The following ZNF354A variants were observed in gnomAD, a reference collection of about 807,000 sequenced individuals.
ZNF354A encodes epididymis luminal protein 104.
In ZNF354A, 25 loss-of-function variants were observed where a neutral mutation model predicts 53.3. The ratio of observed to expected loss-of-function variants is 0.47; its 90% CI spans 0.34 to 0.66. The LOEUF is 0.66. ZNF354A is among the 30% of genes least tolerant of loss of function. The pLI is 0.01. For missense variants in ZNF354A, 586 were observed against 716.8 expected (o/e 0.82, Z 2.08); for synonymous variants, 228 against 249.0 (o/e 0.92, Z 0.79).
chr5:178,729,933 G>C lies in ZNF354A; in HGVS notation c.-52+623C>G, dbSNP rs146248431. On this transcript the variant is annotated intron_variant, in intron 1 of 4. Coordinates refer to ENST00000335815, the MANE Select transcript of ZNF354A (RefSeq NM_005649.3). ...AGGCTGGAGTGCAGGGCTTGATCTC[G>C]GCTCACTGCAAGCTCCGCCTCCTGG... Among the ~76,000 whole-genome samples, 1,458 of 149,722 alleles carry C rather than the reference G, an allele frequency of 9.7e-3. 19 individuals carry two copies. The highest frequency in any genetic ancestry group is 0.052 in the East Asian group (262 of 5,076).
In ZNF354A at chr5:178,712,240, T is replaced by C. The variant is rs1488265128; in HGVS notation, c.1638A>G (p.Gly546=). The part of the protein sequence containing the change: ...ALIQHRRIHT[G]EKPFKCNTCG... ...ATGTATTACATTTAAAGGGTTTTTCTCCTGTATGAATCCTTCGATGCTGAA... is the reference window on the plus strand; with the variant it reads ...ATGTATTACATTTAAAGGGTTTTTCCCCTGTATGAATCCTTCGATGCTGAA... Residue 546 remains glycine (G), a synonymous_variant, in exon 5 of 5, where the codon GGA becomes GGG. Transcript: ENST00000335815. The C allele has an allele frequency of 6.2e-7, 1 of 1,614,136 alleles. No homozygotes were observed. Among genetic ancestry groups the C allele is most frequent in the South Asian group, 1.1e-5 (1 of 91,076 alleles).
In ZNF354A at chr5:178,712,429, T is replaced by C. The variant is rs750938206; in HGVS notation, c.1449A>G (p.Gln483=). ...KAFRQSSALI[Q]HQRMHTGERP... The stretch of plus-strand genomic sequence containing the variant: ...TTTCTCCAGTATGCATTCTCTGATG[T>C]TGAATGAGAGCTGAACTCTGTCTGA... The change falls in exon 5 of 5, where the codon CAA becomes CAG. Residue 483 remains glutamine, a synonymous_variant. Transcript: ENST00000335815. 2.5e-6 allele frequency: 4 copies of C among 1,613,968 alleles called. No homozygotes were observed. The highest frequency in any genetic ancestry group is 2.2e-5 in the South Asian group (2 of 91,078).
At chr5:178,723,357 G>A (rs1279293067) in intron 4 of ZNF354A, among the ~76,000 whole-genome samples, 2 of 152,194 alleles carry the variant, frequency 1.3e-5, no homozygotes, top group Non-Finnish European at 1.5e-5. Flanking sequence ...GCTGCAGAAA[G>A]CAGCCTAGGC....
At chr5:178,713,759 G>T in intron 4 of ZNF354A, 138 bp from the exon 5 acceptor site, 1 of 915,092 alleles carries the variant, frequency 1.1e-6, no homozygotes, top group East Asian at 2.6e-5. Flanking sequence ...ATTGCAAAAA[G>T]AAAAAATAGG....
At chr5:178,728,834 G>A (rs569184226) in intron 2 of ZNF354A, among the ~76,000 whole-genome samples, 156 bp downstream of exon 2, 13 of 148,430 alleles carry the variant, frequency 8.8e-5, no homozygotes, top group African/African-American at 3.0e-4. Context: ...GAGGGTGGGT[G>A]GTCCTCCCTA....
intron 4 of ZNF354A, among the ~76,000 whole-genome samples, chr5:178,725,008 C>T (rs114445395): frequency 0.012 from 1,789 of 152,328 alleles, 33 homozygotes; most frequent in African/African-American, 0.041. Context: ...CTCTTAGAAC[C>T]GTGCCCAAGC....
rs113512483 is a variant in ZNF354A, at chr5:178,725,389, G to A, written c.243C>T (p.Gly81=). 798 of 1,613,774 alleles carry A rather than the reference G, an allele frequency of 4.9e-4. 4 individuals carry two copies. The African/African-American group carries it at 7.3e-3, about 15-fold the overall frequency. Residue 81 remains glycine (G), a synonymous_variant, in exon 4 of 5, where the codon GGC becomes GGT. Transcript: ENST00000335815. ...DPWEVEKDGS[G]VSSLGSKSSH... ...CCACCCACTTACCTAGAGAGGAGAC[G>A]CCAGAACCGTCTTTCTCCACCTCCC...
At position 178,724,814 on chromosome 5, in the gene ZNF354A, C is replaced by T. The variant is rs111791152; in HGVS notation, c.256+562G>A. ...ACAATGCTCTGTAACTTTTTGGGAGCTCTGTCCACGTCCCTGGACTCTTGT... is the reference window on the plus strand; with the variant it reads ...ACAATGCTCTGTAACTTTTTGGGAGTTCTGTCCACGTCCCTGGACTCTTGT... On this transcript the variant is annotated intron_variant, in intron 4 of 4. Transcript: ENST00000335815. Among the ~76,000 whole-genome samples, 857 of 152,300 alleles carry T rather than the reference C, an allele frequency of 5.6e-3. 3 individuals carry two copies. Among genetic ancestry groups the T allele is most frequent in the African/African-American group, 0.019 (773 of 41,556 alleles).
chr5:178,730,621 G>A lies in ZNF354A; in HGVS notation c.-117C>T, dbSNP rs946723118. 2.6e-5 allele frequency: 4 copies of A among 151,940 alleles called. No individual in the cohort carries two copies. The highest frequency in any genetic ancestry group is 5.9e-5 in the Non-Finnish European group (4 of 67,964). The allele number at this position is 151,940 out of a possible 1,614,324, so 9.4% of individuals were successfully genotyped here. A position where few individuals can be genotyped will look rare whatever the true frequency, so the allele number is the denominator to read the frequency against. On this transcript the variant is annotated 5_prime_UTR_variant, in exon 1 of 5. Transcript: ENST00000335815. ...GCGAGGCTCCGGAACCGCCGGCCGG[G>A]ATGCAGCCTCGCGACCCGGCTCCGC...
rs552000943 is a variant in ZNF354A at position 178,721,478 on chromosome 5, C to G, written c.256+3898G>C. On this transcript the variant is annotated intron_variant, in intron 4 of 4. Transcript: ENST00000335815. The stretch of plus-strand genomic sequence containing the variant: ...GACTGAAACATTATGTGCTCCATGA[C>G]AGTGTAAGTAAATACACACACACTT... Among the ~76,000 whole-genome samples the G allele has an allele frequency of 3.3e-5, 5 of 152,264 alleles. No individual in the cohort carries two copies. The South Asian group carries it at 1.0e-3, about 32-fold the overall frequency.
chr5:178,729,948 C>T (rs1765998795), intron 1 of ZNF354A, among the ~76,000 whole-genome samples: 1 of 150,718 alleles, frequency 6.6e-6, no homozygotes, highest in Non-Finnish European at 1.5e-5. Flanking sequence ...ACTGCAAGCT[C>T]CGCCTCCTGG....
chr5:178,712,872 T>C lies in ZNF354A; in HGVS notation c.1006A>G (p.Ser336Gly). Residue 336 changes from serine to glycine, a missense_variant, in exon 5 of 5, where the codon AGT becomes GGT. Ser to Gly is a moderately conservative substitution (Grantham distance 56). This residue lies in a region of ZNF354A where 573 missense variants were observed against 680.1 expected (regional missense o/e 0.84). Transcript: ENST00000335815. ...CKYNPGRKASSCSTSLSGCQR... is the reference protein window; with the variant it reads ...CKYNPGRKASGCSTSLSGCQR... ...CATCCAGAAAGGGATGTGCTGCAAC[T>C]AGATGCCTTCCTACCCGGATTATAC... 6.2e-7 allele frequency: 1 copy of C among 1,614,188 alleles called. No individual in the cohort carries two copies. Among genetic ancestry groups the C allele is most frequent in the Non-Finnish European group, 8.5e-7 (1 of 1,180,030 alleles).
At chr5:178,724,954 C>G (rs1765877141) in intron 4 of ZNF354A, among the ~76,000 whole-genome samples, 1 of 152,196 alleles carries the variant, frequency 6.6e-6, no homozygotes. Flanking sequence ...GATTCCTGCC[C>G]AAATCCTTCC....
At chr5:178,728,624 T>C (rs112027852) in intron 2 of ZNF354A, among the ~76,000 whole-genome samples, 35,484 of 148,674 alleles carry the variant, frequency 0.24, 4,966 homozygotes, top group South Asian at 0.35. Context: ...ACCCCATCTC[T>C]AATAAAAGCA....
chr5:178,724,884 G>A (rs112531054), intron 4 of ZNF354A, among the ~76,000 whole-genome samples: 3,393 of 152,258 alleles, frequency 0.022, 120 homozygotes, highest in African/African-American at 0.075. Context: ...GTTCTTACAC[G>A]GATGGAGACT....
At chr5:178,728,835 G>T (rs1765967375) in intron 2 of ZNF354A, among the ~76,000 whole-genome samples, 155 bp downstream of exon 2, 2 of 148,734 alleles carry the variant, frequency 1.3e-5, no homozygotes, top group Non-Finnish European at 3.0e-5. Flanking sequence ...AGGGTGGGTG[G>T]TCCTCCCTAC....
intron 3 of ZNF354A, 120 bp downstream of exon 3, chr5:178,726,879 T>C (rs1297123498): frequency 1.4e-6 from 2 of 1,412,000 alleles, no homozygotes; most frequent in African/African-American, 1.4e-5. Flanking sequence ...AAGATCTGAT[T>C]TGTACAATCC....
chr5:178,716,826 C>G (rs1765723709), intron 4 of ZNF354A, among the ~76,000 whole-genome samples: 1 of 152,060 alleles, frequency 6.6e-6, no homozygotes, highest in Non-Finnish European at 1.5e-5. Flanking sequence ...CAGCTGCAAT[C>G]CTAGCACTTT....
rs1220016391 is a variant in ZNF354A at position 178,712,778 on chromosome 5, G to A, written c.1100C>T (p.Ser367Leu). The A allele has an allele frequency of 6.2e-7, 1 of 1,614,090 alleles. No individual in the cohort carries two copies. Among genetic ancestry groups the A allele is most frequent in the Non-Finnish European group, 8.5e-7 (1 of 1,180,000 alleles). ...NECGNTFKSS[S>L]SLRYHQRIHT... ...AATTCTCTGATGATAACGAAGGGAT[G>A]AGCTAGACTTAAAGGTGTTGCCACA... The change falls in exon 5 of 5, where the codon TCA (serine) becomes TTA (leucine). Residue 367 changes from serine to leucine, a missense_variant. Coordinates refer to ENST00000335815, the MANE Select transcript of ZNF354A (RefSeq NM_005649.3).
Sources: gnomAD v4.1 joint callset for allele counts (sites outside exome capture counted in the v4.1 genomes callset) on GRCh38, gnomAD v4.1.1 for gene constraint, gnomAD v4.1.1 regional missense constraint, MANE v1.5 for transcripts, NCBI Gene and HGNC (gene_info 2026-07-23, HGNC 2026-07-21) for gene names.